The following KCTD3 variants were observed in gnomAD, a reference collection of about 807,000 sequenced individuals.
KCTD3 encodes BTB/POZ domain-containing protein KCTD3.
KCTD3 carries 41 observed loss-of-function variants against 85.8 expected under a neutral mutation model. The ratio of observed to expected loss-of-function variants is 0.48; its 90% CI spans 0.37 to 0.62. KCTD3 has a LOEUF of 0.62. Among genes scored for constraint, KCTD3 ranks in the 20% least tolerant of loss-of-function variants. The pLI is 0.00. For synonymous variants in KCTD3, 338 were observed against 345.4 expected (o/e 0.98, Z 0.24); for missense variants, 724 against 989.9 (o/e 0.73, Z 3.60).
chr1:215,569,126 T>TTTC (rs1250871502), intron 1 of KCTD3, among the ~76,000 whole-genome samples: 1 of 124,262 alleles, frequency 8.0e-6, no homozygotes, highest in African/African-American at 3.2e-5. Flanking sequence ...TTTAATTTTC[T>TTTC]TTTTTTTTTT....
intron 15 of KCTD3, among the ~76,000 whole-genome samples, chr1:215,616,599 A>G (rs1655460282): frequency 6.6e-6 from 1 of 152,032 alleles, no homozygotes; most frequent in Admixed American, 6.5e-5. Flanking sequence ...CATCTCTACT[A>G]AAAATACAAA....
chr1:215,599,313 T>C (rs1654736288), intron 10 of KCTD3, among the ~76,000 whole-genome samples: 1 of 152,154 alleles, frequency 6.6e-6, no homozygotes, highest in South Asian at 2.1e-4. Flanking sequence ...GTAAATACGA[T>C]GGTAAATTTA....
intron 8 of KCTD3, among the ~76,000 whole-genome samples, chr1:215,583,821 T>TGTCAGTATG (rs1437047206): frequency 6.6e-6 from 1 of 152,202 alleles, no homozygotes; most frequent in Non-Finnish European, 1.5e-5. Flanking sequence ...AGTTAGAAAC[T>TGTCAGTATG]GTCAGTATGG....
chr1:215,582,731 T>C (rs766379053), intron 8 of KCTD3, among the ~76,000 whole-genome samples: 7 of 152,006 alleles, frequency 4.6e-5, no homozygotes, highest in Non-Finnish European at 8.8e-5. Flanking sequence ...CTGGCCAATT[T>C]TTGTATTTTT....
intron 15 of KCTD3, among the ~76,000 whole-genome samples, chr1:215,616,853 TAA>T (rs768277980): frequency 7.9e-5 from 12 of 152,230 alleles, no homozygotes; most frequent in Non-Finnish European, 1.3e-4. Context: ...CAAAAATTCT[TAA>T]AGTCTTCCAA....
intron 10 of KCTD3, among the ~76,000 whole-genome samples, chr1:215,598,653 T>G (rs747229417): frequency 4.6e-5 from 7 of 151,564 alleles, no homozygotes; most frequent in Non-Finnish European, 7.4e-5. Context: ...ATAGGACAAA[T>G]CAGAAAATGG....
rs373965485 is a variant in KCTD3, at chr1:215,580,004, T to A, written c.626+5T>A. On this transcript the variant is annotated splice_donor_5th_base_variant and intron_variant, in intron 8 of 17. Transcript: ENST00000259154. Reference sequence around the variant, plus strand: ...CCATTTTGCTGTGTGTTACAGGTAGTGTATAATTAATAATGCTTTGCTTTT... The same window carrying A: ...CCATTTTGCTGTGTGTTACAGGTAGAGTATAATTAATAATGCTTTGCTTTT... The A allele has an allele frequency of 3.0e-5, 46 of 1,557,888 alleles. No individual in the cohort carries two copies. Among genetic ancestry groups the A allele is most frequent in the Non-Finnish European group, 3.5e-5 (40 of 1,130,178 alleles).
rs1211533882 is a variant in KCTD3 at position 215,621,489 on chromosome 1, G to A, written c.*871G>A. The A allele has an allele frequency of 1.3e-5, 2 of 152,084 alleles. No individual in the cohort carries two copies. The highest frequency in any genetic ancestry group is 2.4e-5 in the African/African-American group (1 of 41,436). The allele number at this position is 152,084 out of a possible 1,614,324, so 9.4% of individuals were successfully genotyped here. A position where few individuals can be genotyped will look rare whatever the true frequency, so the allele number is the denominator to read the frequency against. The stretch of plus-strand genomic sequence containing the variant: ...TAGTTTGTTCACTTGTAGGACTGCA[G>A]TTCTGAATTTTGGGTTAAAGGTTTT... On this transcript the variant is annotated 3_prime_UTR_variant, in exon 18 of 18. Transcript: ENST00000259154.
At chr1:215,567,792 G>T in intron 1 of KCTD3, 24 bp downstream of exon 1, 3 of 1,230,878 alleles carry the variant, frequency 2.4e-6, no homozygotes, top group African/African-American at 3.1e-5. Context: ...TAGCGGGCTT[G>T]CAGCGGGGAT....
intron 17 of KCTD3, among the ~76,000 whole-genome samples, chr1:215,619,499 A>C (rs1342318945): frequency 6.6e-6 from 1 of 152,176 alleles, no homozygotes; most frequent in African/African-American, 2.4e-5. Flanking sequence ...TTACCTTTTA[A>C]CTTATTTTGT....
Position 215,607,997 on chromosome 1 carries a change from G to C in KCTD3, c.1310-20G>C, listed in dbSNP as rs375011529. On this transcript the variant is annotated intron_variant, in intron 13 of 17. Coordinates refer to ENST00000259154, the MANE Select transcript of KCTD3 (RefSeq NM_016121.5). ...TTTAAAAGTAATTTTGTATTCTTTT[G>C]TGTTCTCTTTCTCTGCTAGTCTGTG... The C allele has an allele frequency of 2.6e-5, 41 of 1,579,788 alleles. No individual in the cohort carries two copies. The highest frequency in any genetic ancestry group is 3.2e-5 in the Non-Finnish European group (37 of 1,167,444).
At chr1:215,575,506 T>G (rs541619130) in intron 3 of KCTD3, among the ~76,000 whole-genome samples, 1 of 152,342 alleles carries the variant, frequency 6.6e-6, no homozygotes, top group East Asian at 1.9e-4. Context: ...GTAGTTTTAA[T>G]GATTGAACAG....
At position 215,567,469 on chromosome 1, in the gene KCTD3, G is replaced by T. The variant is rs1558223924; in HGVS notation, c.-217G>T. Reference sequence around the variant, plus strand: ...GGCCGCGAAAGGTGGAGGCCGGGCCGCCCTTGTGCACCGCAGGATTGACCC... The same window carrying T: ...GGCCGCGAAAGGTGGAGGCCGGGCCTCCCTTGTGCACCGCAGGATTGACCC... On this transcript the variant is annotated 5_prime_UTR_variant, in exon 1 of 18. Coordinates refer to ENST00000259154, the MANE Select transcript of KCTD3 (RefSeq NM_016121.5). The T allele has an allele frequency of 3.9e-6, 1 of 256,760 alleles. No individual in the cohort carries two copies. Among genetic ancestry groups the T allele is most frequent in the African/African-American group, 2.3e-5 (1 of 44,256 alleles). The allele number at this position is 256,760 out of a possible 1,614,324, so 15.9% of individuals were successfully genotyped here. A position where few individuals can be genotyped will look rare whatever the true frequency, so the allele number is the denominator to read the frequency against.
intron 17 of KCTD3, among the ~76,000 whole-genome samples, chr1:215,619,785 A>G (rs1298973971): frequency 6.6e-6 from 1 of 152,162 alleles, no homozygotes; most frequent in East Asian, 1.9e-4. Context: ...ATGGTTTCAC[A>G]TTGGTTTCAA....
intron 7 of KCTD3, 24 bp downstream of exon 7, chr1:215,579,161 A>C (rs1302830892): frequency 1.9e-6 from 3 of 1,598,514 alleles, no homozygotes; most frequent in Non-Finnish European, 2.6e-6. Context: ...ACAGAAATAG[A>C]AAAAGAAAAA....
intron 8 of KCTD3, among the ~76,000 whole-genome samples, chr1:215,582,277 T>G (rs2102564408): frequency 6.6e-6 from 1 of 152,338 alleles, no homozygotes; most frequent in East Asian, 1.9e-4. Context: ...CTTGGATCTG[T>G]TTTTCAGTTC....
intron 15 of KCTD3, among the ~76,000 whole-genome samples, chr1:215,612,889 G>T (rs1205658225): frequency 6.6e-6 from 1 of 151,934 alleles, no homozygotes; most frequent in Non-Finnish European, 1.5e-5. Context: ...CTCAGATTTT[G>T]CTTCAACATT....
At chr1:215,596,610 T>C (rs752165452) in intron 10 of KCTD3, among the ~76,000 whole-genome samples, 1 of 151,832 alleles carries the variant, frequency 6.6e-6, no homozygotes, top group Non-Finnish European at 1.5e-5. Context: ...ATTAGTTAGG[T>C]GTTGGTGGAA....
chr1:215,601,949 A>G lies in KCTD3; in HGVS notation c.1016A>G (p.Tyr339Cys). The change falls in exon 11 of 18, where the codon TAC becomes TGC. Residue 339 changes from tyrosine (Y) to cysteine (C), a missense_variant. Tyr to Cys is a radical substitution (Grantham distance 194). This residue lies in a region of KCTD3 where 146 missense variants were observed against 320.3 expected (regional missense o/e 0.46). Transcript: ENST00000259154. ...LLGCNNGSIY[Y>C]IDMQKFPLRM... ...GGATGTAACAATGGATCAATATATT[A>G]CATAGGTAAGTGTTCAGTCACTTAA... 6.3e-7 allele frequency: 1 copy of G among 1,583,812 alleles called. No individual in the cohort carries two copies. The highest frequency in any genetic ancestry group is 8.7e-7 in the Non-Finnish European group (1 of 1,153,432).
Sources: allele counts gnomAD v4.1 joint callset (sites outside exome capture counted in the v4.1 genomes callset), GRCh38; gene constraint gnomAD v4.1.1; regional missense constraint gnomAD v4.1.1; transcripts MANE v1.5; gene names NCBI Gene and HGNC (gene_info 2026-07-23, HGNC 2026-07-21).